The following KPNA4 variants were observed in gnomAD, a reference collection of about 807,000 sequenced individuals.
The protein encoded by KPNA4 is importin subunit alpha-3.
In KPNA4, 13 loss-of-function variants were observed where a neutral mutation model predicts 71.3. The ratio of observed to expected loss-of-function variants is 0.18; its 90% confidence interval spans 0.12 to 0.29. The LOEUF is 0.29. KPNA4 is among the 10% of genes least tolerant of loss of function. The pLI is 1.00. For synonymous variants in KPNA4, 189 were observed against 195.2 expected (o/e 0.97, Z 0.26); for missense variants, 334 against 603.2 (o/e 0.55, Z 4.67).
intron 10 of KPNA4, among the ~76,000 whole-genome samples, chr3:160,522,244 C>T (rs1721363526): frequency 6.6e-6 from 1 of 152,164 alleles, no homozygotes; most frequent in Non-Finnish European, 1.5e-5. Flanking sequence ...GGTCCAAAAA[C>T]ATTGTGGCTC....
At chr3:160,537,991 C>T (rs1316160568) in intron 1 of KPNA4, among the ~76,000 whole-genome samples, 4 of 151,874 alleles carry the variant, frequency 2.6e-5, no homozygotes, top group Admixed American at 6.6e-5. Flanking sequence ...ATGACAGCAA[C>T]CAGAGTAATC....
chr3:160,508,355 A>G (rs1230533883), intron 14 of KPNA4, 86 bp from the exon 15 acceptor site: 5 of 967,558 alleles, frequency 5.2e-6, no homozygotes, highest in Non-Finnish European at 7.4e-6. Context: ...CTGATTTTGA[A>G]ATTTCGAGTA....
chr3:160,551,951 G>C (rs1302632111), intron 1 of KPNA4, among the ~76,000 whole-genome samples: 1 of 136,872 alleles, frequency 7.3e-6, no homozygotes, highest in Admixed American at 7.2e-5. Context: ...GGGGGGGGGG[G>C]GTGATGTGCT....
At chr3:160,502,495 C>T (rs1042620588) in intron 16 of KPNA4, among the ~76,000 whole-genome samples, 4 of 152,040 alleles carry the variant, frequency 2.6e-5, no homozygotes, top group African/African-American at 9.6e-5. Flanking sequence ...CTCAGCCTCC[C>T]GAGTAGCTGG....
At chr3:160,561,324 T>C (rs936496535) in intron 1 of KPNA4, among the ~76,000 whole-genome samples, 1 of 152,086 alleles carries the variant, frequency 6.6e-6, no homozygotes, top group South Asian at 2.1e-4. Flanking sequence ...TAATTTACTT[T>C]ATCCTGACAA....
intron 7 of KPNA4, among the ~76,000 whole-genome samples, chr3:160,528,526 T>C (rs562777627): frequency 6.6e-6 from 1 of 152,090 alleles, no homozygotes; most frequent in East Asian, 1.9e-4. Context: ...CCACCATGCC[T>C]GGCTAATTTT....
chr3:160,547,504 T>C (rs1375482487), intron 1 of KPNA4, among the ~76,000 whole-genome samples: 1 of 151,722 alleles, frequency 6.6e-6, no homozygotes, highest in East Asian at 1.9e-4. Context: ...CACAGGCAAA[T>C]CCTCCCCCTA....
At chr3:160,522,581 C>G (rs1721372300) in intron 10 of KPNA4, among the ~76,000 whole-genome samples, 1 of 152,180 alleles carries the variant, frequency 6.6e-6, no homozygotes, top group Non-Finnish European at 1.5e-5. Flanking sequence ...CCTCAGCCTC[C>G]CGAGTAGCTG....
intron 10 of KPNA4, 110 bp from the exon 11 acceptor site, chr3:160,522,020 TTC>T: frequency 2.3e-6 from 2 of 854,170 alleles, no homozygotes; most frequent in South Asian, 3.6e-5. Context: ...CCTTCTTTTC[TTC>T]TCTCAGTTTA....
intron 7 of KPNA4, among the ~76,000 whole-genome samples, chr3:160,529,343 A>G (rs1721523518): frequency 6.7e-6 from 1 of 149,934 alleles, no homozygotes; most frequent in South Asian, 2.1e-4. Context: ...CAGAAAGGAA[A>G]AAGTGTGAGA....
Position 160,515,596 on chromosome 3 carries a change from A to C in KPNA4, c.904-16T>G. On this transcript the variant is annotated splice_polypyrimidine_tract_variant and intron_variant, in intron 11 of 16. Transcript: ENST00000334256. Reference sequence around the variant, plus strand: ...GTGCAGCAGTCTGAAATGCACAATGAGATGACATTCTATGTGAAATCCTTT... The same window carrying C: ...GTGCAGCAGTCTGAAATGCACAATGCGATGACATTCTATGTGAAATCCTTT... 6.2e-7 allele frequency: 1 copy of C among 1,607,050 alleles called. No individual in the cohort carries two copies. Among genetic ancestry groups the C allele is most frequent in the South Asian group, 1.1e-5 (1 of 90,292 alleles).
chr3:160,504,601 T>G (rs1720946046), intron 16 of KPNA4, among the ~76,000 whole-genome samples: 1 of 152,218 alleles, frequency 6.6e-6, no homozygotes, highest in Non-Finnish European at 1.5e-5. Context: ...GATTAACTAC[T>G]GTCATAAAGA....
Position 160,530,829 on chromosome 3 carries a change from ATTATGT to A in KPNA4, c.469+20_469+25del. ...CCGACTTCTTTTAAAAAAAATCACA[ATTATGT>A]TTATTAATAACCAACTTACTGGACT... is the stretch of plus-strand genomic sequence containing the variant. On this transcript the variant is annotated intron_variant, in intron 7 of 16. Coordinates refer to ENST00000334256, the MANE Select transcript of KPNA4 (RefSeq NM_002268.5). 6.6e-7 allele frequency: 1 copy of A among 1,506,364 alleles called. No homozygotes were observed. The highest frequency in any genetic ancestry group is 9.1e-7 in the Non-Finnish European group (1 of 1,094,444). 93.3% of individuals were successfully genotyped at this position (1,506,364 alleles called of 1,614,324 possible).
At chr3:160,562,099 T>C (rs985994780) in intron 1 of KPNA4, among the ~76,000 whole-genome samples, 4 of 152,138 alleles carry the variant, frequency 2.6e-5, no homozygotes, top group South Asian at 2.1e-4. Context: ...CATAATATGC[T>C]ACAATTACCT....
At chr3:160,564,849 C>G (rs555495039) in intron 1 of KPNA4, among the ~76,000 whole-genome samples, 1 of 151,068 alleles carries the variant, frequency 6.6e-6, no homozygotes, top group African/African-American at 2.4e-5. Context: ...TCCGCCACTG[C>G]CGGGGAAGGG....
At chr3:160,558,433 G>A (rs895504676) in intron 1 of KPNA4, among the ~76,000 whole-genome samples, 5 of 152,208 alleles carry the variant, frequency 3.3e-5, no homozygotes, top group African/African-American at 1.2e-4. Flanking sequence ...CATTTACTCT[G>A]CATGTACTTT....
At chr3:160,548,991 G>A (rs1721985969) in intron 1 of KPNA4, among the ~76,000 whole-genome samples, 2 of 152,146 alleles carry the variant, frequency 1.3e-5, no homozygotes, top group South Asian at 4.1e-4. Flanking sequence ...CTTAATGGGT[G>A]GGAGATGGTA....
rs1461516188 is a variant in KPNA4, at chr3:160,501,425, C to T, written c.*679G>A. 2 of 152,546 alleles carry T rather than the reference C, an allele frequency of 1.3e-5. No homozygotes were observed. The highest frequency in any genetic ancestry group is 3.9e-4 in the East Asian group (2 of 5,180). 9.4% of individuals were successfully genotyped at this position (152,546 alleles called of 1,614,324 possible). ...AGTCTTTGTTTTCATGTCCAGTGTA[C>T]ATTAACACTTATGATCTCATTTTGA... On this transcript the variant is annotated 3_prime_UTR_variant, in exon 17 of 17. Coordinates refer to ENST00000334256, the MANE Select transcript of KPNA4 (RefSeq NM_002268.5).
intron 14 of KPNA4, 123 bp downstream of exon 14, chr3:160,509,677 C>T (rs923855652): frequency 2.7e-6 from 2 of 727,960 alleles, no homozygotes; most frequent in Non-Finnish European, 4.7e-6. Context: ...GGTGATCCTC[C>T]AGCCTTGGCC....
Sources: allele counts gnomAD v4.1 joint callset (sites outside exome capture counted in the v4.1 genomes callset), GRCh38; gene constraint gnomAD v4.1.1; transcripts MANE v1.5; gene names NCBI Gene and HGNC (gene_info 2026-07-23, HGNC 2026-07-21).